Variants in PKD1L3 observed in about 807,000 individuals in gnomAD.
PKD1L3 encodes the protein polycystin-1-like protein 3.
PKD1L3 carries 239 observed loss-of-function variants against 184.1 expected under a neutral mutation model. The ratio of observed to expected loss-of-function variants is 1.30; its 90% CI spans 1.17 to 1.45. PKD1L3 has a LOEUF of 1.45. Among genes scored for constraint, PKD1L3 ranks in the 40% most tolerant of loss-of-function variants. The pLI, the probability that PKD1L3 is intolerant of heterozygous loss-of-function variation, is 0.00. For synonymous variants in PKD1L3, 996 were observed against 778.8 expected, an observed-to-expected ratio of 1.28 and a Z score of -4.64; for missense variants, 2,660 against 2,067.2, an observed-to-expected ratio of 1.29 and a Z score of -5.56.
Position 71,977,225 on chromosome 16 carries a change from T to C in PKD1L3, c.1759+11A>G, listed in dbSNP as rs1055403846. 5 of 1,489,614 alleles carry C rather than the reference T, an allele frequency of 3.4e-6. No homozygotes were observed. Among genetic ancestry groups the C allele is most frequent in the Admixed American group, 3.9e-5 (2 of 50,890 alleles). The allele number at this position is 1,489,614 out of a possible 1,614,324, so 92.3% of individuals were successfully genotyped here. ...ATCAAAGTAAGTTTCTGACAGCTGA[T>C]TGGGTTTTACCTTTTTGCCACACCT... On this transcript the variant is annotated intron_variant, in intron 11 of 29. Coordinates refer to ENST00000620267, the MANE Select transcript of PKD1L3 (RefSeq NM_181536.2).
Position 71,984,121 on chromosome 16 carries a change from A to C in PKD1L3, c.881T>G (p.Leu294Trp). 6.4e-7 allele frequency: 1 copy of C among 1,552,066 alleles called. No individual in the cohort carries two copies. Among genetic ancestry groups the C allele is most frequent in the Non-Finnish European group, 8.7e-7 (1 of 1,147,042 alleles). ...TTCCTGTAGTTTGTTAAGAGCTTGCAAACCATGAACTGCTCTGCTGAAGTT... is the reference window on the plus strand; with the variant it reads ...TTCCTGTAGTTTGTTAAGAGCTTGCCAACCATGAACTGCTCTGCTGAAGTT... ...AGNFSRAVHG[L>W]QALNKLQEAC... is the part of the protein sequence containing the mutation. The change falls in exon 6 of 30, where the codon TTG (leucine) becomes TGG (tryptophan). Residue 294 changes from leucine to tryptophan, a missense_variant. Transcript: ENST00000620267.
In PKD1L3 at chr16:71,982,278, CTTTTTTTTT is replaced by C. The variant is rs35324670; in HGVS notation, c.967-52_967-44del. 114 of 432,746 alleles carry C rather than the reference CTTTTTTTTT, an allele frequency of 2.6e-4. 1 individual carries two copies. In the Middle Eastern group the frequency reaches 2.9e-3, roughly 11 times the overall value. 26.8% of individuals were successfully genotyped at this position (432,746 alleles called of 1,614,324 possible). On this transcript the variant is annotated intron_variant, in intron 6 of 29. Coordinates refer to ENST00000620267, the MANE Select transcript of PKD1L3 (RefSeq NM_181536.2). ...CAAACATACACCCTTGAATTGTTTG[CTTTTTTTTT>C]TTTTTTTTTTTTTTGGTGACAGAGT...
intron 15 of PKD1L3, among the ~76,000 whole-genome samples, chr16:71,965,939 T>C (rs1481367854): frequency 6.6e-6 from 1 of 152,204 alleles, no homozygotes; most frequent in Non-Finnish European, 1.5e-5. Flanking sequence ...AGGTTGAACA[T>C]CTTTTCAAGT....
At chr16:71,985,718 C>G (rs1285971836) in intron 5 of PKD1L3, among the ~76,000 whole-genome samples, 1 of 152,168 alleles carries the variant, frequency 6.6e-6, no homozygotes, top group Non-Finnish European at 1.5e-5. Flanking sequence ...AGGCGTGAGC[C>G]ACTGTGCCTG....
intron 10 of PKD1L3, 92 bp from the exon 11 acceptor site, chr16:71,977,559 TC>T: frequency 5.1e-5 from 36 of 700,962 alleles, no homozygotes; most frequent in Non-Finnish European, 7.5e-5. Flanking sequence ...ACGTCCTAGC[TC>T]TTTTTTTTTT....
intron 11 of PKD1L3, among the ~76,000 whole-genome samples, chr16:71,975,214 C>G (rs1305289569): frequency 1.5e-5 from 2 of 129,262 alleles, no homozygotes; most frequent in Admixed American, 8.2e-5. Context: ...CGCCACCACG[C>G]TCGGCTAATT....
intron 24 of PKD1L3, among the ~76,000 whole-genome samples, chr16:71,940,476 A>G (rs2038323185): frequency 6.6e-6 from 1 of 152,086 alleles, no homozygotes; most frequent in Non-Finnish European, 1.5e-5. Context: ...AGCTCTATGC[A>G]TGGGCACAGA....
chr16:71,948,789 T>A (rs2038715911), intron 21 of PKD1L3, among the ~76,000 whole-genome samples: 1 of 117,470 alleles, frequency 8.5e-6, no homozygotes, highest in South Asian at 3.1e-4. Flanking sequence ...ATTTATATCT[T>A]AACTTACATA....
At chr16:71,983,219 T>C (rs559119557) in intron 6 of PKD1L3, among the ~76,000 whole-genome samples, 5 of 152,266 alleles carry the variant, frequency 3.3e-5, no homozygotes, top group Non-Finnish European at 7.4e-5. Flanking sequence ...GAGTCTTGGC[T>C]CACTGCAACC....
Position 71,939,225 on chromosome 16 carries a change from G to A in PKD1L3, c.4325-1806C>T, listed in dbSNP as rs192116506. On this transcript the variant is annotated intron_variant, in intron 24 of 29. Transcript: ENST00000620267. ...TGCCCAACTCACTGCAGCAGCCAGC[G>A]TGCCTGGCTGTGTGCAATGGCTGGA... Among the ~76,000 whole-genome samples, 126 of 152,366 alleles carry A rather than the reference G, an allele frequency of 8.3e-4. 1 individual carries two copies. The highest frequency in any genetic ancestry group is 6.8e-3 in the Middle Eastern group (2 of 294).
chr16:71,967,880 A>G (rs1388812699), intron 14 of PKD1L3, 26 bp downstream of exon 14: 1 of 1,522,460 alleles, frequency 6.6e-7, no homozygotes, highest in East Asian at 2.5e-5. Flanking sequence ...ACACAAGGCA[A>G]TGTGAAAAAC....
At chr16:71,992,164 G>C (rs1290059464) in intron 3 of PKD1L3, among the ~76,000 whole-genome samples, 2 of 152,096 alleles carry the variant, frequency 1.3e-5, no homozygotes, top group Non-Finnish European at 2.9e-5. Flanking sequence ...TGTCTGCTGA[G>C]GGGAGATCCA....
chr16:71,932,700 A>C (rs2038020488), intron 28 of PKD1L3, among the ~76,000 whole-genome samples: 1 of 150,584 alleles, frequency 6.6e-6, no homozygotes, highest in Non-Finnish European at 1.5e-5. Flanking sequence ...GCTGGTCTTG[A>C]ACTCCTGACC....
chr16:71,972,197 T>C (rs1054979133), intron 12 of PKD1L3, among the ~76,000 whole-genome samples: 21 of 149,842 alleles, frequency 1.4e-4, no homozygotes, highest in African/African-American at 4.5e-4. Flanking sequence ...GCCTGGCCGA[T>C]AGAGCAAGAC....
intron 28 of PKD1L3, among the ~76,000 whole-genome samples, chr16:71,932,825 T>G (rs185150082): frequency 7.2e-6 from 1 of 138,442 alleles, no homozygotes; most frequent in African/African-American, 2.7e-5. Context: ...AGACATAGGG[T>G]CTGGAGTGTA....
At chr16:71,977,679 G>A (rs1044073419) in intron 10 of PKD1L3, among the ~76,000 whole-genome samples, 3 of 150,912 alleles carry the variant, frequency 2.0e-5, no homozygotes, top group African/African-American at 7.3e-5. Context: ...TTATATGCAT[G>A]AGCCACTGTG....
Position 71,958,973 on chromosome 16 carries a change from G to C in PKD1L3, c.2612+4232C>G, listed in dbSNP as rs557002794. On this transcript the variant is annotated intron_variant, in intron 16 of 29. Coordinates refer to ENST00000620267, the MANE Select transcript of PKD1L3 (RefSeq NM_181536.2). ...ATGGCAGCGTGTGCCTGTAATCCCAGCTACTCCGGAGGCTGAGAAAGAATT... is the reference window on the plus strand; with the variant it reads ...ATGGCAGCGTGTGCCTGTAATCCCACCTACTCCGGAGGCTGAGAAAGAATT... 1.3e-4 allele frequency among the ~76,000 whole-genome samples: 19 copies of C among 149,502 alleles called. 1 individual carries two copies. Among genetic ancestry groups the C allele is most frequent in the South Asian group, 4.3e-4 (2 of 4,684 alleles).
chr16:71,970,253 T>C (rs1013112147), intron 12 of PKD1L3, 148 bp from the exon 13 acceptor site: 2 of 648,152 alleles, frequency 3.1e-6, no homozygotes, highest in African/African-American at 1.8e-5. Context: ...GTATAACCAA[T>C]GTGGAAAGTA....
At chr16:71,974,368 G>T (rs2039840503) in intron 11 of PKD1L3, among the ~76,000 whole-genome samples, 1 of 152,114 alleles carries the variant, frequency 6.6e-6, no homozygotes, top group African/African-American at 2.4e-5. Flanking sequence ...ACATATCATT[G>T]CCAAGATCAC....
Sources: allele counts gnomAD v4.1 joint callset (sites outside exome capture counted in the v4.1 genomes callset), GRCh38; gene constraint gnomAD v4.1.1; transcripts MANE v1.5; gene names NCBI Gene and HGNC (gene_info 2026-07-23, HGNC 2026-07-21).